The following TSPAN17 variants were observed in gnomAD, a reference collection of about 807,000 sequenced individuals.
TSPAN17 encodes the protein tetraspanin-17.
In TSPAN17, 33 loss-of-function variants were observed where a neutral mutation model predicts 40.5. That is an observed-to-expected ratio of 0.81 (90% CI 0.62 to 1.09). The LOEUF is 1.09. Among genes scored for constraint, TSPAN17 ranks in the 50% least tolerant of loss-of-function variants. The pLI is 0.00. For missense variants in TSPAN17, 365 were observed against 416.8 expected, an observed-to-expected ratio of 0.88 and a Z score of 1.08; for synonymous variants, 166 against 169.4, an observed-to-expected ratio of 0.98 and a Z score of 0.15.
At position 176,658,085 on chromosome 5, in the gene TSPAN17, G is replaced by A. The variant is rs1286444771; in HGVS notation, c.*387G>A. The A allele has an allele frequency of 1.2e-5, 2 of 166,614 alleles. No homozygotes were observed. Among genetic ancestry groups the A allele is most frequent in the Admixed American group, 6.0e-5 (1 of 16,672 alleles). The allele number at this position is 166,614 out of a possible 1,614,324, so 10.3% of individuals were successfully genotyped here. On this transcript the variant is annotated 3_prime_UTR_variant, in exon 9 of 9. Transcript: ENST00000508164. ...GGGTCAGGACAATTTTGCAAAAGAA[G>A]TAGCTGGAAGCCATGGGACTGGCGG...
In TSPAN17 at chr5:176,651,718, T is replaced by G. The variant is rs1263603078; in HGVS notation, c.139-36T>G. On this transcript the variant is annotated intron_variant, in intron 2 of 8. Coordinates refer to ENST00000508164, the MANE Select transcript of TSPAN17 (RefSeq NM_130465.5). This position sits in a 1 kb window ranked among gnomAD's most constrained non-coding sequence, Gnocchi z 4.5. ...GGTATGGGACGAGGTGGTGGGAAGG[T>G]CAGCTCCCCACACCTGCCTCTGCTG... The G allele has an allele frequency of 1.2e-6, 2 of 1,613,860 alleles. No individual in the cohort carries two copies. The highest frequency in any genetic ancestry group is 1.7e-6 in the Non-Finnish European group (2 of 1,179,820).
intron 1 of TSPAN17, among the ~76,000 whole-genome samples, chr5:176,649,943 C>T (rs191389622): frequency 2.0e-4 from 30 of 152,348 alleles, no homozygotes; most frequent in African/African-American, 7.2e-4. Flanking sequence ...CCCTTCTGCC[C>T]TCTCTAAAGC....
intron 4 of TSPAN17, chr5:176,653,434 C>T (rs1296554529): frequency 6.5e-6 from 1 of 153,362 alleles, no homozygotes; most frequent in Non-Finnish European, 1.5e-5. Context: ...AACTTACAAA[C>T]TTAACCCCAG....
chr5:176,657,209 C>T (rs970840525), intron 8 of TSPAN17: 18 of 618,398 alleles, frequency 2.9e-5, no homozygotes, highest in South Asian at 4.0e-5. Context: ...AGGGAGCCAC[C>T]GTCTCGGCTA....
rs1761153226 is a variant in TSPAN17, at chr5:176,656,248, G to A, written c.630+123G>A. 3.8e-6 allele frequency: 4 copies of A among 1,047,928 alleles called. No individual in the cohort carries two copies. The Admixed American group carries it at 6.8e-5, about 18-fold the overall frequency. The allele number at this position is 1,047,928 out of a possible 1,614,324, so 64.9% of individuals were successfully genotyped here. On this transcript the variant is annotated intron_variant, in intron 6 of 8. Transcript: ENST00000508164. ...TTGGGGAGAGGGTGCTGAGTCCCAG[G>A]AACCAGCCAGACACCCAGGCAGCGG...
intron 1 of TSPAN17, among the ~76,000 whole-genome samples, chr5:176,649,765 C>T (rs1760892721): frequency 6.6e-6 from 1 of 152,198 alleles, no homozygotes; most frequent in Non-Finnish European, 1.5e-5. Flanking sequence ...AGAGTACTGT[C>T]GGCCTCCAGG....
intron 1 of TSPAN17, among the ~76,000 whole-genome samples, chr5:176,649,887 C>T (rs1760897295): frequency 6.6e-6 from 1 of 152,246 alleles, no homozygotes; most frequent in Admixed American, 6.5e-5. Context: ...GCTTTTCCCT[C>T]TTGCTCTTTT....
At chr5:176,652,067 G>A (rs553434932) in intron 3 of TSPAN17, among the ~76,000 whole-genome samples, 167 bp downstream of exon 3, 1 of 152,332 alleles carries the variant, frequency 6.6e-6, no homozygotes, top group East Asian at 1.9e-4. Flanking sequence ...TATGGTAAGT[G>A]ACCGAGACCT....
In TSPAN17 at chr5:176,652,725, CTG is replaced by C. The variant is rs758711996; in HGVS notation, c.286-16_286-15del. The stretch of plus-strand genomic sequence containing the variant: ...GCCCTGCGTTTCCAACCCCTACTGT[CTG>C]TATGCCCAACCCCAGTTCTCCGTGT... On this transcript the variant is annotated splice_polypyrimidine_tract_variant and intron_variant, in intron 3 of 8. Coordinates refer to ENST00000508164, the MANE Select transcript of TSPAN17 (RefSeq NM_130465.5). 6.2e-7 allele frequency: 1 copy of C among 1,613,682 alleles called. No individual in the cohort carries two copies. Among genetic ancestry groups the C allele is most frequent in the Admixed American group, 1.7e-5 (1 of 60,004 alleles).
At chr5:176,653,716 A>C (rs1179431519) in intron 4 of TSPAN17, 1 of 152,034 alleles carries the variant, frequency 6.6e-6, no homozygotes, top group Non-Finnish European at 1.5e-5. Context: ...CCAGAGGTGA[A>C]GCAGAGCTGG....
chr5:176,657,236 C>A, intron 8 of TSPAN17: 1 of 631,548 alleles, frequency 1.6e-6, no homozygotes, highest in Non-Finnish European at 2.7e-6. Flanking sequence ...GGGTGGTGGA[C>A]TCTCCAGGGG....
chr5:176,657,049 G>C, intron 8 of TSPAN17, 93 bp downstream of exon 8: 1 of 1,294,002 alleles, frequency 7.7e-7, no homozygotes. Flanking sequence ...TGACGGGCAA[G>C]GCTGCAGGAG....
Position 176,657,925 on chromosome 5 carries a change from G to A in TSPAN17, c.*227G>A. 2.9e-6 allele frequency: 2 copies of A among 682,270 alleles called. No individual in the cohort carries two copies. The highest frequency in any genetic ancestry group is 4.4e-6 in the Non-Finnish European group (2 of 458,398). 42.3% of individuals were successfully genotyped at this position (682,270 alleles called of 1,614,324 possible). ...CCTCGAGGCCGCTGCGGGCCAATCT[G>A]GAGTGAAACACGGGGACCTGAAGGA... On this transcript the variant is annotated 3_prime_UTR_variant, in exon 9 of 9. Coordinates refer to ENST00000508164, the MANE Select transcript of TSPAN17 (RefSeq NM_130465.5).
rs1760963723 is a variant in TSPAN17 at position 176,651,564 on chromosome 5, G to T, written c.88-52G>T. On this transcript the variant is annotated intron_variant, in intron 1 of 8. Coordinates refer to ENST00000508164, the MANE Select transcript of TSPAN17 (RefSeq NM_130465.5). This position sits in a 1 kb window ranked among gnomAD's most constrained non-coding sequence, Gnocchi z 4.5. Reference sequence around the variant, plus strand: ...TGGCTACCGGGGAAGGATGAGGGGGGAGGGTCCTGGGGCTGCTCCCAGCCC... The same window carrying T: ...TGGCTACCGGGGAAGGATGAGGGGGTAGGGTCCTGGGGCTGCTCCCAGCCC... 1.5e-5 allele frequency: 23 copies of T among 1,561,606 alleles called. No homozygotes were observed. Among genetic ancestry groups the T allele is most frequent in the Non-Finnish European group, 1.8e-5 (21 of 1,151,824 alleles).
chr5:176,653,760 A>C (rs1178541867), intron 4 of TSPAN17: 1 of 152,066 alleles, frequency 6.6e-6, no homozygotes, highest in Non-Finnish European at 1.5e-5. Context: ...CCCAGGGCAG[A>C]GGCAGACATA....
In TSPAN17 at chr5:176,651,413, G is replaced by A. The variant is rs1250448818; in HGVS notation, c.88-203G>A. Among the ~76,000 whole-genome samples the A allele has an allele frequency of 6.6e-6, 1 of 152,216 alleles. No homozygotes were observed. The highest frequency in any genetic ancestry group is 1.9e-4 in the East Asian group (1 of 5,196). On this transcript the variant is annotated intron_variant, in intron 1 of 8. Transcript: ENST00000508164. This position sits in a 1 kb window ranked among gnomAD's most constrained non-coding sequence, Gnocchi z 4.5. Reference sequence around the variant, plus strand: ...TGATGTCCATCCCAAGGCTAGCAGAGGGTTCAGTCCTCCAGGCTGTGTCCT... The same window carrying A: ...TGATGTCCATCCCAAGGCTAGCAGAAGGTTCAGTCCTCCAGGCTGTGTCCT...
chr5:176,651,588 CCT>C lies in TSPAN17; in HGVS notation c.88-27_88-26del. 6.2e-7 allele frequency: 1 copy of C among 1,605,552 alleles called. No homozygotes were observed. Among genetic ancestry groups the C allele is most frequent in the Non-Finnish European group, 8.5e-7 (1 of 1,175,530 alleles). On this transcript the variant is annotated intron_variant, in intron 1 of 8. Transcript: ENST00000508164. The surrounding 1 kb of genome is among the most constrained non-coding windows in gnomAD (Gnocchi z 4.5). The stretch of plus-strand genomic sequence containing the variant: ...GGAGGGTCCTGGGGCTGCTCCCAGC[CCT>C]GAGCTCTTTGTTGCTGCCCTTGCAG...
Position 176,654,170 on chromosome 5 carries a change from G to A in TSPAN17, c.457-725G>A. 6.6e-6 allele frequency: 1 copy of A among 152,470 alleles called. No homozygotes were observed. 9.4% of individuals were successfully genotyped at this position (152,470 alleles called of 1,614,324 possible). A position where few individuals can be genotyped will look rare whatever the true frequency, so the allele number is the denominator to read the frequency against. ...CCTGGGACCAGCACATGCAGGGCAT[G>A]TGGCAGGCCTGACTCCTCCAGCTCT... is the stretch of plus-strand genomic sequence containing the variant. On this transcript the variant is annotated intron_variant, in intron 4 of 8. Transcript: ENST00000508164. The surrounding 1 kb of genome is among the most constrained non-coding windows in gnomAD (Gnocchi z 4.3).
At position 176,655,006 on chromosome 5, in the gene TSPAN17, G is replaced by C; in HGVS notation, c.568G>C (p.Val190Leu). 6.2e-7 allele frequency: 1 copy of C among 1,606,996 alleles called. No homozygotes were observed. The highest frequency in any genetic ancestry group is 8.5e-7 in the Non-Finnish European group (1 of 1,176,546). Residue 190 changes from valine to leucine, a missense_variant, in exon 5 of 9, where the codon GTC (valine) becomes CTC (leucine). Coordinates refer to ENST00000508164, the MANE Select transcript of TSPAN17 (RefSeq NM_130465.5). ...ERCGVPFSCC[V>L]RDPAEDVLNT... ...CTGCGGGGTGCCCTTCTCCTGCTGC[G>C]TCAGGGACCCTGCGGTGAGTGGGGC...
Sources: allele counts gnomAD v4.1 joint callset (sites outside exome capture counted in the v4.1 genomes callset), GRCh38; gene constraint gnomAD v4.1.1; non-coding constraint Gnocchi (gnomAD v3.1); transcripts MANE v1.5; gene names NCBI Gene and HGNC (gene_info 2026-07-23, HGNC 2026-07-21).